CFAP210: variants seen among roughly 807,000 people sequenced by gnomAD.
CFAP210 encodes cilia- and flagella- associated protein 210.
chr2:169,675,003 C>T, the CFAP210 span: 24 of 1,536,536 alleles, frequency 1.6e-5, no homozygotes, highest in African/African-American at 5.6e-5. Context: ...TTCTTCATCA[C>T]GCTTCTTTTT....
At chr2:169,647,722 T>TTA in the CFAP210 span, among the ~76,000 whole-genome samples, 2,428 of 152,270 alleles carry the variant, frequency 0.016, 67 homozygotes, top group African/African-American at 0.056. Context: ...TTTAAAACTT[T>TTA]TATACATCAA....
chr2:169,688,752 G>A, the CFAP210 span, among the ~76,000 whole-genome samples: 1 of 152,290 alleles, frequency 6.6e-6, no homozygotes, highest in Admixed American at 6.5e-5. Context: ...CATTCAACAA[G>A]TCTCTAGGAA....
chr2:169,687,490 C>T, the CFAP210 span, among the ~76,000 whole-genome samples: 3,748 of 150,046 alleles, frequency 0.025, 75 homozygotes, highest in Non-Finnish European at 0.038. Flanking sequence ...GCTGCAGGAC[C>T]CATGCAAGTC....
chr2:169,662,023 G>T, the CFAP210 span, among the ~76,000 whole-genome samples: 4 of 152,108 alleles, frequency 2.6e-5, no homozygotes, highest in African/African-American at 7.2e-5. Flanking sequence ...ATAGCCTAGT[G>T]GGGGGACTAT....
the CFAP210 span, among the ~76,000 whole-genome samples, chr2:169,656,794 T>C: frequency 6.6e-6 from 1 of 151,606 alleles, no homozygotes; most frequent in Non-Finnish European, 1.5e-5. Context: ...TGAAAACCCA[T>C]CTCTACTAAA....
At chr2:169,674,616 G>A in the CFAP210 span, 1 of 1,608,486 alleles carries the variant, frequency 6.2e-7, no homozygotes, top group Non-Finnish European at 8.5e-7. Flanking sequence ...CTTTCTCTGT[G>A]TCGTTTTTCT....
At chr2:169,686,415 T>C in the CFAP210 span, among the ~76,000 whole-genome samples, 4 of 152,190 alleles carry the variant, frequency 2.6e-5, no homozygotes, top group African/African-American at 9.7e-5. Context: ...TCTTAGTCCA[T>C]TTTCTGTTGC....
At chr2:169,654,565 C>T in the CFAP210 span, among the ~76,000 whole-genome samples, 1 of 152,010 alleles carries the variant, frequency 6.6e-6, no homozygotes, top group Non-Finnish European at 1.5e-5. Context: ...TGTAACATTA[C>T]ATAGTATATT....
chr2:169,674,341 A>T, the CFAP210 span, among the ~76,000 whole-genome samples: 1 of 152,090 alleles, frequency 6.6e-6, no homozygotes, highest in South Asian at 2.1e-4. Context: ...AGAAGTAAAC[A>T]TGTTTTTTTT....
chr2:169,677,193 C>G, the CFAP210 span, among the ~76,000 whole-genome samples: 21 of 152,190 alleles, frequency 1.4e-4, no homozygotes, highest in Non-Finnish European at 2.5e-4. Context: ...TTCGAGTACT[C>G]TGGCTTTCTG....
chr2:169,686,066 G>C, the CFAP210 span, among the ~76,000 whole-genome samples: 3 of 152,000 alleles, frequency 2.0e-5, no homozygotes, highest in Non-Finnish European at 4.4e-5. Context: ...GGAGTGCAGT[G>C]GCTATTCATA....
chr2:169,675,129 TATG>T, the CFAP210 span: 1 of 957,372 alleles, frequency 1.0e-6, no homozygotes, highest in Non-Finnish European at 1.4e-6. Context: ...TTTGAGCTTT[TATG>T]TTTTTATTGT....
chr2:169,654,304 C>A, the CFAP210 span: 2 of 1,101,208 alleles, frequency 1.8e-6, no homozygotes, highest in Non-Finnish European at 2.5e-6. Flanking sequence ...CAAATGGTCA[C>A]AGCTTCTGAC....
chr2:169,668,669 G>C, the CFAP210 span, among the ~76,000 whole-genome samples: 2 of 152,174 alleles, frequency 1.3e-5, no homozygotes, highest in Non-Finnish European at 2.9e-5. Flanking sequence ...GAGGCCCAAG[G>C]AAAGAGAGAG....
At chr2:169,689,456 T>C in the CFAP210 span, among the ~76,000 whole-genome samples, 1 of 152,240 alleles carries the variant, frequency 6.6e-6, no homozygotes, top group East Asian at 1.9e-4. Context: ...AATACCATTT[T>C]GTAAACTGAT....
the CFAP210 span, chr2:169,674,504 A>G: frequency 1.3e-5 from 17 of 1,286,822 alleles, no homozygotes; most frequent in Non-Finnish European, 3.2e-6. Context: ...TATTACTTTT[A>G]TAATTAGAAA....
the CFAP210 span, chr2:169,648,162 CAAAAAAAAAA>C: frequency 0.03 from 3,093 of 101,656 alleles, 57 homozygotes; most frequent in East Asian, 0.16. Flanking sequence ...AACTCTGTCT[CAAAAAAAAAA>C]AAAAAAAAAA....
At chr2:169,669,623 G>C in the CFAP210 span, among the ~76,000 whole-genome samples, 1 of 152,100 alleles carries the variant, frequency 6.6e-6, no homozygotes, top group Admixed American at 6.6e-5. Flanking sequence ...TGATGTGGAA[G>C]ATAAAGGAAA....
At chr2:169,668,092 A>G in the CFAP210 span, among the ~76,000 whole-genome samples, 2 of 152,214 alleles carry the variant, frequency 1.3e-5, no homozygotes, top group African/African-American at 4.8e-5. Flanking sequence ...CACCTTCATC[A>G]ATGATTTTAG....
Sources: allele counts gnomAD v4.1 joint callset (sites outside exome capture counted in the v4.1 genomes callset), GRCh38; gene constraint gnomAD v4.1.1; transcripts MANE v1.5; gene names NCBI Gene and HGNC (gene_info 2026-07-23, HGNC 2026-07-21).